Variants in KIAA1217 observed in about 807,000 individuals in gnomAD.
KIAA1217 encodes sickle tail protein homolog.
A neutral mutation model predicts 163.9 loss-of-function variants in KIAA1217; 88 were observed. That is an observed-to-expected ratio of 0.54 (90% CI 0.45 to 0.64). The LOEUF (loss-of-function observed/expected upper bound fraction) is 0.64. KIAA1217 is among the 30% of genes least tolerant of loss of function. The pLI, the probability that KIAA1217 is intolerant of heterozygous loss-of-function variation, is 0.00. For synonymous variants in KIAA1217, 903 were observed against 923.1 expected (o/e 0.98, Z 0.39); for missense variants, 2,372 against 2,475.0 (o/e 0.96, Z 0.88).
At chr10:24,195,468 T>C in intron 2 of KIAA1217, among the ~76,000 whole-genome samples, 1 of 152,158 alleles carries the variant, frequency 6.6e-6, no homozygotes, top group East Asian at 1.9e-4. Flanking sequence ...GAGGCAGCCA[T>C]GAACCTGCCC....
intron 1 of KIAA1217, chr10:24,007,083 G>C (rs1192461534): frequency 6.6e-6 from 1 of 151,722 alleles, no homozygotes; most frequent in Admixed American, 6.6e-5. Flanking sequence ...TAATTACAAA[G>C]CATCCTGAGC....
At chr10:24,377,498 C>T (rs2052670687) in intron 2 of KIAA1217, among the ~76,000 whole-genome samples, 1 of 152,126 alleles carries the variant, frequency 6.6e-6, no homozygotes, top group African/African-American at 2.4e-5. Context: ...AAAATGAGAA[C>T]ACTAACTCCA....
chr10:23,842,724 T>A (rs538931768), intron 1 of KIAA1217, among the ~76,000 whole-genome samples: 1 of 152,130 alleles, frequency 6.6e-6, no homozygotes, highest in East Asian at 1.9e-4. Flanking sequence ...CAAGAAGGAA[T>A]TATACATTAA....
At chr10:24,003,266 C>A (rs751570308) in intron 1 of KIAA1217, among the ~76,000 whole-genome samples, 24 of 152,134 alleles carry the variant, frequency 1.6e-4, no homozygotes, top group African/African-American at 4.6e-4. Flanking sequence ...AGTTTACATT[C>A]CCACTAGCAG....
At chr10:24,146,968 T>C (rs1247929683) in intron 2 of KIAA1217, among the ~76,000 whole-genome samples, 1 of 150,330 alleles carries the variant, frequency 6.7e-6, no homozygotes, top group Non-Finnish European at 1.5e-5. Context: ...CATTTCCGTG[T>C]TCCTAAGAAT....
At chr10:24,397,145 T>G (rs937503232) in intron 3 of KIAA1217, among the ~76,000 whole-genome samples, 30 of 132,592 alleles carry the variant, frequency 2.3e-4, no homozygotes, top group African/African-American at 8.4e-4. Context: ...GGAGTCTCAC[T>G]CTGTCACCCA....
chr10:24,185,161 A>G (rs2066363622), intron 2 of KIAA1217, among the ~76,000 whole-genome samples: 1 of 152,184 alleles, frequency 6.6e-6, no homozygotes, highest in South Asian at 2.1e-4. Flanking sequence ...GAACTCTCAG[A>G]ATCACCATTT....
chr10:24,008,748 C>G (rs1234928595), intron 2 of KIAA1217, among the ~76,000 whole-genome samples: 1 of 152,162 alleles, frequency 6.6e-6, no homozygotes, highest in Non-Finnish European at 1.5e-5. Flanking sequence ...AACCAGCTAC[C>G]TTTCTCACCC....
Position 23,782,164 on chromosome 10 carries a change from A to G in KIAA1217, c.-321+86930A>G, listed in dbSNP as rs188736477. Among the ~76,000 whole-genome samples the G allele has an allele frequency of 1.6e-3, 242 of 152,304 alleles. 5 individuals carry two copies. In the East Asian group the frequency reaches 0.021, roughly 13 times the overall value. On this transcript the variant is annotated intron_variant, in intron 1 of 18. Coordinates refer to the KIAA1217 transcript ENST00000376462. ...GTATATTGCTAAGGGTAGTATATAC[A>G]TTGTAATAATATTCTTTCAACAATT...
intron 2 of KIAA1217, among the ~76,000 whole-genome samples, chr10:24,112,339 C>G (rs1488343534): frequency 6.6e-6 from 1 of 152,158 alleles, no homozygotes; most frequent in Admixed American, 6.5e-5. Context: ...CACCCAGGAA[C>G]AGATGGTCAT....
At chr10:24,488,710 G>A (rs1221191194) in intron 6 of KIAA1217, among the ~76,000 whole-genome samples, 1 of 152,142 alleles carries the variant, frequency 6.6e-6, no homozygotes, top group African/African-American at 2.4e-5. Flanking sequence ...GAACTCGTCT[G>A]AAAACAGTCT....
At chr10:24,139,698 C>A (rs1212707458) in intron 2 of KIAA1217, among the ~76,000 whole-genome samples, 2 of 152,020 alleles carry the variant, frequency 1.3e-5, no homozygotes, top group African/African-American at 4.8e-5. Context: ...ATAATAATAT[C>A]CATTTTATAG....
intron 2 of KIAA1217, among the ~76,000 whole-genome samples, chr10:24,315,980 A>G (rs1408463570): frequency 6.6e-6 from 1 of 151,776 alleles, no homozygotes; most frequent in Non-Finnish European, 1.5e-5. Flanking sequence ...ATAATTGATT[A>G]TAAAGGGTAG....
intron 2 of KIAA1217, among the ~76,000 whole-genome samples, chr10:24,339,851 C>A (rs548016430): frequency 1.3e-5 from 2 of 152,182 alleles, no homozygotes; most frequent in Non-Finnish European, 2.9e-5. Flanking sequence ...CCCCCCAAAG[C>A]CAATGTTAGT....
chr10:24,419,863 G>A (rs896200260), intron 3 of KIAA1217, among the ~76,000 whole-genome samples: 5 of 151,998 alleles, frequency 3.3e-5, no homozygotes, highest in African/African-American at 9.7e-5. Context: ...GGATCATACT[G>A]CACGTATCCT....
chr10:24,444,292 G>A (rs536261193), intron 5 of KIAA1217, among the ~76,000 whole-genome samples: 41 of 152,236 alleles, frequency 2.7e-4, no homozygotes, highest in Admixed American at 1.7e-3. Flanking sequence ...ATTTACAGGC[G>A]TGAGCCACCA....
In KIAA1217 at chr10:24,545,989, C is replaced by G; in HGVS notation, c.5497C>G (p.Pro1833Ala). The change falls in exon 21 of 21, where the codon CCA becomes GCA. Residue 1833 changes from proline to alanine, a missense_variant. By Grantham distance (27) the Pro-to-Ala change is conservative. Around this residue, in one of 3 missense-constraint regions of KIAA1217, gnomAD observed 690 missense variants for 677.5 expected, o/e 1.02. Coordinates refer to ENST00000376454, the MANE Select transcript of KIAA1217 (RefSeq NM_019590.5). The stretch of plus-strand genomic sequence containing the variant: ...CCTCCCTAATCCACCTGCTACTAAA[C>G]CATCGATTGCTTCTAACCCTCTCAG... The part of the protein sequence containing the change: ...SNLPNPPATK[P>A]SIASNPLSPQ... 1 of 1,614,152 alleles carries G rather than the reference C, an allele frequency of 6.2e-7. No individual in the cohort carries two copies. The highest frequency in any genetic ancestry group is 8.5e-7 in the Non-Finnish European group (1 of 1,180,028).
chr10:23,777,285 A>ATTAGT (rs2130893740), intron 1 of KIAA1217, among the ~76,000 whole-genome samples: 1 of 152,302 alleles, frequency 6.6e-6, no homozygotes, highest in African/African-American at 2.4e-5. Context: ...CAACAATTTA[A>ATTAGT]TTAGTTACCA....
At chr10:24,404,216 C>G (rs1373520949) in intron 3 of KIAA1217, among the ~76,000 whole-genome samples, 3 of 152,172 alleles carry the variant, frequency 2.0e-5, no homozygotes, top group Admixed American at 1.3e-4. Context: ...CCGCTTTGGC[C>G]TCCCAAAGTG....
Sources: allele counts gnomAD v4.1 joint callset (sites outside exome capture counted in the v4.1 genomes callset), GRCh38; gene constraint gnomAD v4.1.1; regional missense constraint gnomAD v4.1.1; transcripts MANE v1.5; gene names NCBI Gene and HGNC (gene_info 2026-07-23, HGNC 2026-07-21).